The following MYO16 variants were observed in gnomAD, a reference collection of about 807,000 sequenced individuals.
The protein encoded by MYO16 is unconventional myosin-XVI.
In MYO16, 94 loss-of-function variants were observed where a neutral mutation model predicts 205.3. That is an observed-to-expected ratio of 0.46 (90% CI 0.39 to 0.54). The LOEUF is 0.54. Ranked by LOEUF, MYO16 falls within the 20% of genes least tolerant of loss-of-function variation. The pLI, the probability that MYO16 is intolerant of heterozygous loss-of-function variation, is 0.00. For missense variants in MYO16, 2,315 were observed against 2,387.5 expected (o/e 0.97, Z 0.63); for synonymous variants, 988 against 954.0 (o/e 1.04, Z -0.66).
At chr13:109,179,675 A>G in intron 34 of MYO16, 42 bp downstream of exon 34, 3 of 1,494,606 alleles carry the variant, frequency 2.0e-6, no homozygotes, top group South Asian at 2.3e-5. Flanking sequence ...GACAAATGGA[A>G]TTAAGTTATG....
chr13:109,093,141 A>G (rs1297915920), intron 27 of MYO16, among the ~76,000 whole-genome samples: 4 of 152,202 alleles, frequency 2.6e-5, no homozygotes, highest in Non-Finnish European at 5.9e-5. Flanking sequence ...ATTTTCATTT[A>G]ACTATGATAG....
chr13:109,012,683 A>G (rs920283132), intron 22 of MYO16, among the ~76,000 whole-genome samples: 3 of 151,928 alleles, frequency 2.0e-5, no homozygotes, highest in Non-Finnish European at 4.4e-5. Context: ...AAGGTATTCC[A>G]TATGTGGGGG....
the MYO16 span, among the ~76,000 whole-genome samples, chr13:108,525,570 A>G: frequency 5.3e-5 from 8 of 152,212 alleles, no homozygotes; most frequent in Middle Eastern, 3.2e-3. Context: ...GTCTTCAGAC[A>G]TCGTTACAAT....
intron 4 of MYO16, among the ~76,000 whole-genome samples, chr13:108,783,247 CTTGGAGTAAAAGGAGATCATT>C (rs1886360262): frequency 6.6e-6 from 1 of 152,170 alleles, no homozygotes; most frequent in Admixed American, 6.5e-5. Flanking sequence ...GGATGTGAGA[CTTGGAGTAAAAGGAGATCATT>C]TTGGAGCTTT....
chr13:108,576,612 T>A, the MYO16 span, among the ~76,000 whole-genome samples: 31,081 of 152,192 alleles, frequency 0.2, 3,210 homozygotes, highest in Middle Eastern at 0.22. Flanking sequence ...TAGTTATGAG[T>A]GATTTTATTC....
At chr13:109,105,776 C>T (rs1056492603) in intron 28 of MYO16, among the ~76,000 whole-genome samples, 14 of 152,206 alleles carry the variant, frequency 9.2e-5, no homozygotes, top group Non-Finnish European at 2.9e-5. Context: ...TACCACTAGA[C>T]TGTACTTCTC....
At chr13:108,566,023 T>C in the MYO16 span, among the ~76,000 whole-genome samples, 2 of 152,142 alleles carry the variant, frequency 1.3e-5, no homozygotes, top group Non-Finnish European at 2.9e-5. Flanking sequence ...CTAGTTTTGT[T>C]ATCAGAGTAA....
chr13:109,053,557 T>TCA (rs1383244441), intron 25 of MYO16, among the ~76,000 whole-genome samples: 1 of 151,972 alleles, frequency 6.6e-6, no homozygotes, highest in Non-Finnish European at 1.5e-5. Context: ...GCAAAAACCA[T>TCA]CACACACTGC....
intron 16 of MYO16, among the ~76,000 whole-genome samples, chr13:108,926,704 T>G (rs1882023651): frequency 6.6e-6 from 1 of 151,996 alleles, no homozygotes; most frequent in South Asian, 2.1e-4. Context: ...TGGAGAGAAG[T>G]AAGAGCAGTG....
At chr13:108,517,934 G>A in the MYO16 span, among the ~76,000 whole-genome samples, 2 of 152,158 alleles carry the variant, frequency 1.3e-5, no homozygotes, top group Non-Finnish European at 2.9e-5. Context: ...ACTCGCTCCA[G>A]CCTCTGTTAT....
At chr13:108,627,503 G>A (rs944431123), upstream of MYO16, among the ~76,000 whole-genome samples, 1 of 152,102 alleles carries the variant, frequency 6.6e-6, no homozygotes, top group African/African-American at 2.4e-5. Context: ...CTGACGATAA[G>A]CACTTTGAGG....
At chr13:108,633,169 C>T (rs940148977) in intron 1 of MYO16, among the ~76,000 whole-genome samples, 1 of 152,094 alleles carries the variant, frequency 6.6e-6, no homozygotes, top group Admixed American at 6.6e-5. Context: ...AAATCTGTTA[C>T]TTTATATGTT....
At chr13:108,748,088 G>A (rs527252283) in intron 4 of MYO16, among the ~76,000 whole-genome samples, 2 of 152,074 alleles carry the variant, frequency 1.3e-5, no homozygotes, top group East Asian at 1.9e-4. Context: ...AATTCATGTC[G>A]AGATAGACTG....
chr13:108,969,801 A>G lies in MYO16; in HGVS notation c.2369+4899A>G, dbSNP rs146420703. ...CGGATTGTTAAATATTTTTTTTTCT[A>G]TAGCTCTGAATAGGTTTCTACCCAG... On this transcript the variant is annotated intron_variant, in intron 20 of 34. Coordinates refer to ENST00000457511, the MANE Select transcript of MYO16 (RefSeq NM_001198950.3). Among the ~76,000 whole-genome samples the G allele has an allele frequency of 3.9e-5, 6 of 152,212 alleles. No individual in the cohort carries two copies. The East Asian group carries it at 9.7e-4, about 25-fold the overall frequency.
At chr13:108,556,865 G>C in the MYO16 span, among the ~76,000 whole-genome samples, 5 of 152,008 alleles carry the variant, frequency 3.3e-5, no homozygotes, top group African/African-American at 9.7e-5. Flanking sequence ...ATATTCAGTT[G>C]TCCCAACACC....
intron 15 of MYO16, among the ~76,000 whole-genome samples, chr13:108,909,704 C>T (rs1368079549): frequency 6.6e-6 from 1 of 151,998 alleles, no homozygotes; most frequent in Admixed American, 6.6e-5. Flanking sequence ...AGGAAAATTC[C>T]AAAGCTTATT....
intron 27 of MYO16, among the ~76,000 whole-genome samples, chr13:109,080,172 G>T (rs1479491896): frequency 6.6e-6 from 1 of 152,122 alleles, no homozygotes; most frequent in Non-Finnish European, 1.5e-5. Context: ...ACCATGTCCA[G>T]CCTGAACACT....
intron 18 of MYO16, 73 bp from the exon 19 acceptor site, chr13:108,962,351 G>A (rs1883621221): frequency 8.5e-7 from 1 of 1,174,922 alleles, no homozygotes; most frequent in Non-Finnish European, 1.2e-6. Flanking sequence ...TATCAATTAT[G>A]GCCATAAAAT....
intron 32 of MYO16, among the ~76,000 whole-genome samples, chr13:109,142,591 CA>C (rs1371108480): frequency 1.3e-5 from 2 of 152,154 alleles, no homozygotes; most frequent in Non-Finnish European, 2.9e-5. Flanking sequence ...CGCAACCAGT[CA>C]GACTTACTGC....
Sources: allele counts gnomAD v4.1 joint callset (sites outside exome capture counted in the v4.1 genomes callset), GRCh38; gene constraint gnomAD v4.1.1; transcripts MANE v1.5; gene names NCBI Gene and HGNC (gene_info 2026-07-23, HGNC 2026-07-21).